RNMT: variants seen among roughly 807,000 people sequenced by gnomAD.
The protein encoded by RNMT is RNA guanine-7 methyltransferase.
Under a neutral mutation model 56.0 loss-of-function variants are expected in RNMT, and 27 were observed. That is an observed-to-expected ratio of 0.48 (90% CI 0.36 to 0.67). The LOEUF (loss-of-function observed/expected upper bound fraction) is 0.67, where lower values mean the gene tolerates loss of function less well. Among genes scored for constraint, RNMT ranks in the 30% least tolerant of loss-of-function variants. The pLI is 0.00. For synonymous variants in RNMT, 184 were observed against 176.2 expected (o/e 1.04, Z -0.35); for missense variants, 519 against 552.1 (o/e 0.94, Z 0.60).
intron 4 of RNMT, 52 bp from the exon 5 acceptor site, chr18:13,736,958 T>G: frequency 6.5e-7 from 1 of 1,542,904 alleles, no homozygotes; most frequent in Non-Finnish European, 8.9e-7. Flanking sequence ...AGTTTATACT[T>G]CAGTAAAATT....
intron 8 of RNMT, 39 bp from the exon 9 acceptor site, chr18:13,746,181 A>G: frequency 1.9e-6 from 2 of 1,052,132 alleles, no homozygotes; most frequent in Non-Finnish European, 2.8e-6. Flanking sequence ...AATTACAAAC[A>G]TGTGGAAGCT....
chr18:13,742,348 A>G, intron 7 of RNMT, 140 bp from the exon 8 acceptor site: 1 of 689,350 alleles, frequency 1.5e-6, no homozygotes, highest in Non-Finnish European at 2.3e-6. Context: ...AAAAAAAAAA[A>G]AAAAAGGTAG....
intron 1 of RNMT, 63 bp downstream of exon 1, chr18:13,726,792 G>C (rs577021777): frequency 6.6e-6 from 1 of 152,656 alleles, no homozygotes; most frequent in Admixed American, 6.5e-5. Context: ...GGCCGCCGTG[G>C]AGGGGTGGAA....
At position 13,760,454 on chromosome 18, in the gene RNMT, A is replaced by G; in HGVS notation, c.*475A>G. 1.0e-6 allele frequency: 1 copy of G among 985,692 alleles called. No homozygotes were observed. Among genetic ancestry groups the G allele is most frequent in the Non-Finnish European group, 1.2e-6 (1 of 829,734 alleles). The allele number at this position is 985,692 out of a possible 1,614,324, so 61.1% of individuals were successfully genotyped here. ...GTACAGTTGAATGTAAGTGTTCAATATGTATTGCTGAAGTTATAAGTTTAA... is the reference window on the plus strand; with the variant it reads ...GTACAGTTGAATGTAAGTGTTCAATGTGTATTGCTGAAGTTATAAGTTTAA... On this transcript the variant is annotated 3_prime_UTR_variant, in exon 12 of 12. Coordinates refer to ENST00000383314, the MANE Select transcript of RNMT (RefSeq NM_003799.3).
intron 9 of RNMT, among the ~76,000 whole-genome samples, chr18:13,746,547 C>G (rs1299986757): frequency 6.6e-6 from 1 of 152,218 alleles, no homozygotes; most frequent in East Asian, 1.9e-4. Context: ...ATTCTGTTTT[C>G]TAGGATAGTA....
intron 9 of RNMT, among the ~76,000 whole-genome samples, chr18:13,752,008 A>G (rs1316519367): frequency 6.6e-6 from 1 of 152,132 alleles, no homozygotes; most frequent in African/African-American, 2.4e-5. Flanking sequence ...ATTAGGAGAA[A>G]TACCTAATGT....
At chr18:13,759,853 A>C in intron 11 of RNMT, 89 bp from the exon 12 acceptor site, 3 of 1,182,008 alleles carry the variant, frequency 2.5e-6, no homozygotes, top group Non-Finnish European at 3.7e-6. Flanking sequence ...TTGAGAGCCT[A>C]AGAATTTTCA....
chr18:13,732,059 C>A, intron 3 of RNMT, 125 bp downstream of exon 3: 2 of 686,462 alleles, frequency 2.9e-6, no homozygotes, highest in Non-Finnish European at 4.6e-6. Context: ...TAGATATGGT[C>A]CTAAGACAAA....
intron 4 of RNMT, among the ~76,000 whole-genome samples, chr18:13,735,909 C>T (rs564183956): frequency 6.6e-6 from 1 of 152,238 alleles, no homozygotes; most frequent in Non-Finnish European, 1.5e-5. Flanking sequence ...AGCTTTCTCT[C>T]TGGCTGTTTC....
At chr18:13,750,236 T>A (rs543884923) in intron 9 of RNMT, among the ~76,000 whole-genome samples, 1 of 152,300 alleles carries the variant, frequency 6.6e-6, no homozygotes, top group East Asian at 1.9e-4. Context: ...AATGTCTGTA[T>A]TTTGGAGGCT....
In RNMT at chr18:13,726,681, G is replaced by A. The variant is rs1601979031; in HGVS notation, c.-220G>A. On this transcript the variant is annotated 5_prime_UTR_variant, in exon 1 of 12. The change creates a new upstream start codon in the 5' untranslated region. Coordinates refer to ENST00000383314, the MANE Select transcript of RNMT (RefSeq NM_003799.3). The stretch of plus-strand genomic sequence containing the variant: ...CCGGAAGTGACGTAAGCAGACACGC[G>A]TGGCGCGGGCCGCCGTTTCCGCAAA... The A allele has an allele frequency of 6.6e-6, 1 of 152,302 alleles. No homozygotes were observed. The highest frequency in any genetic ancestry group is 1.5e-5 in the Non-Finnish European group (1 of 68,104). 9.4% of individuals were successfully genotyped at this position (152,302 alleles called of 1,614,324 possible).
intron 7 of RNMT, 109 bp from the exon 8 acceptor site, chr18:13,742,379 T>C: frequency 2.2e-6 from 2 of 923,728 alleles, no homozygotes; most frequent in Non-Finnish European, 3.3e-6. Context: ...ATTAAAAGGC[T>C]AATCAAGTGT....
intron 11 of RNMT, among the ~76,000 whole-genome samples, chr18:13,759,311 G>GAAC (rs2044591551): frequency 6.6e-6 from 1 of 152,138 alleles, no homozygotes; most frequent in African/African-American, 2.4e-5. Flanking sequence ...ACTTGATTCA[G>GAAC]AACAAGGAAT....
chr18:13,742,812 CAA>C (rs2044274091), intron 8 of RNMT, 160 bp downstream of exon 8: 1 of 547,330 alleles, frequency 1.8e-6, no homozygotes. Context: ...AAAAACAAAA[CAA>C]GACTAGCTTC....
chr18:13,740,832 C>T (rs1007314071), intron 6 of RNMT, among the ~76,000 whole-genome samples: 2 of 152,144 alleles, frequency 1.3e-5, no homozygotes, highest in African/African-American at 4.8e-5. Flanking sequence ...TGTTGCTTTT[C>T]GGTATGGACA....
chr18:13,742,720 A>G, intron 8 of RNMT, 68 bp downstream of exon 8: 4 of 1,220,352 alleles, frequency 3.3e-6, no homozygotes, highest in African/African-American at 1.5e-5. Flanking sequence ...GGGAAAAGCA[A>G]TATTTATTTT....
chr18:13,757,068 T>TA (rs2044555260), intron 11 of RNMT, among the ~76,000 whole-genome samples: 1 of 152,252 alleles, frequency 6.6e-6, no homozygotes. Flanking sequence ...ATATAAAAGT[T>TA]ATGTTTACTG....
chr18:13,761,317 A>T lies in RNMT; in HGVS notation c.*1338A>T. 1 of 985,452 alleles carries T rather than the reference A, an allele frequency of 1.0e-6. No individual in the cohort carries two copies. Among genetic ancestry groups the T allele is most frequent in the Non-Finnish European group, 1.2e-6 (1 of 829,932 alleles). 61.0% of individuals were successfully genotyped at this position (985,452 alleles called of 1,614,324 possible). A position where few individuals can be genotyped will look rare whatever the true frequency, so the allele number is the denominator to read the frequency against. On this transcript the variant is annotated 3_prime_UTR_variant, in exon 12 of 12. Coordinates refer to ENST00000383314, the MANE Select transcript of RNMT (RefSeq NM_003799.3). ...TCATTTTGGAAATAAGTAATACTGC[A>T]TCTGACTCTGGTGGCTGTATTAGCT... is the stretch of plus-strand genomic sequence containing the variant.
chr18:13,760,845 G>A lies in RNMT; in HGVS notation c.*866G>A, dbSNP rs1436993545. The A allele has an allele frequency of 1.0e-6, 1 of 985,310 alleles. No homozygotes were observed. The highest frequency in any genetic ancestry group is 1.2e-6 in the Non-Finnish European group (1 of 829,946). 61.0% of individuals were successfully genotyped at this position (985,310 alleles called of 1,614,324 possible). ...CATCTGATGCCATGTACCCACTTCA[G>A]AAATAAGCAATACTTGTTCCTCTGT... On this transcript the variant is annotated 3_prime_UTR_variant, in exon 12 of 12. Coordinates refer to ENST00000383314, the MANE Select transcript of RNMT (RefSeq NM_003799.3).
Sources: allele counts gnomAD v4.1 joint callset (sites outside exome capture counted in the v4.1 genomes callset), GRCh38; gene constraint gnomAD v4.1.1; transcripts MANE v1.5; gene names NCBI Gene and HGNC (gene_info 2026-07-23, HGNC 2026-07-21).